Variants in OPLAH observed in about 807,000 individuals in gnomAD.
OPLAH encodes 5-oxoprolinase.
In OPLAH, 103 loss-of-function variants were observed where a neutral mutation model predicts 122.8. The observed-to-expected ratio is 0.84, with a 90% CI of 0.71 to 0.99. The LOEUF (loss-of-function observed/expected upper bound fraction) is 0.99, where lower values mean the gene tolerates loss of function less well. OPLAH is among the 50% of genes least tolerant of loss of function. The pLI, the probability that OPLAH is intolerant of heterozygous loss-of-function variation, is 0.00. For synonymous variants in OPLAH, 875 were observed against 796.0 expected (o/e 1.10, Z -1.67); for missense variants, 1,902 against 1,836.5 (o/e 1.04, Z -0.65).
In OPLAH at chr8:144,057,613, G is replaced by A. The variant is rs1554759660; in HGVS notation, c.1257C>T (p.Ser419=). ...CCAGGGCTTTGCGGGAGGCCTCAGG[G>A]GAAAGTGGTTGGTTCTCTCCCGGCC... ...IFGPGENQPL[S]PEASRKALEA... Residue 419 remains serine (S), a synonymous_variant, in exon 10 of 27, where the codon TCC becomes TCT. Coordinates refer to ENST00000618853, the MANE Select transcript of OPLAH (RefSeq NM_017570.5). The A allele has an allele frequency of 1.1e-5, 18 of 1,593,944 alleles. No individual in the cohort carries two copies. The highest frequency in any genetic ancestry group is 1.4e-5 in the Non-Finnish European group (16 of 1,169,548).
rs1835558566 is a variant in OPLAH at position 144,057,696 on chromosome 8, T to C, written c.1174A>G (p.Thr392Ala). Residue 392 changes from threonine to alanine, a missense_variant, in exon 10 of 27, where the codon ACG becomes GCG. By Grantham distance (58) the Thr-to-Ala change is moderately conservative (BLOSUM62 0). Transcript: ENST00000618853. Reference sequence around the variant, plus strand: ...CGACCCAGGACCAGATTAGCATCCGTCACTGTCACAGGGCCCCCTGGGAGG... The same window carrying C: ...CGACCCAGGACCAGATTAGCATCCGCCACTGTCACAGGGCCCCCTGGGAGG... ...CYRKGGPVTV[T>A]DANLVLGRLL... 6.2e-7 allele frequency: 1 copy of C among 1,608,790 alleles called. No homozygotes were observed. The highest frequency in any genetic ancestry group is 8.5e-7 in the Non-Finnish European group (1 of 1,177,698).
chr8:144,052,588 G>A lies in OPLAH; in HGVS notation c.3164C>T (p.Ala1055Val), dbSNP rs782548384. ...TCGGGGAATGACCACGCGCACTGGCGCCAGGCAGCCCTGTGCGGGGCGGGC... is the reference window on the plus strand; with the variant it reads ...TCGGGGAATGACCACGCGCACTGGCACCAGGCAGCCCTGTGCGGGGCGGGC... ...RDIPLNQGCLAPVRVVIPRGS... is the reference protein window; with the variant it reads ...RDIPLNQGCLVPVRVVIPRGS... Residue 1055 changes from alanine (A) to valine (V), a missense_variant, in exon 23 of 27, where the codon GCG becomes GTG. Ala to Val is a moderately conservative substitution (Grantham distance 64). This residue lies in a region of OPLAH where 1,726 missense variants were observed against 1,642.1 expected (regional missense o/e 1.05). Transcript: ENST00000618853. 7.5e-6 allele frequency: 12 copies of A among 1,595,640 alleles called. No homozygotes were observed. The Admixed American group carries it at 1.5e-4, about 20-fold the overall frequency.
Position 144,051,482 on chromosome 8 carries a change from C to CGGGGGGGG in OPLAH, c.3721-18_3721-11dup, listed in dbSNP as rs782568024. 1.1e-4 allele frequency: 31 copies of CGGGGGGGG among 280,020 alleles called. No homozygotes were observed. The African/African-American group carries it at 1.8e-3, about 16-fold the overall frequency. 17.3% of individuals were successfully genotyped at this position (280,020 alleles called of 1,614,324 possible). A position where few individuals can be genotyped will look rare whatever the true frequency, so the allele number is the denominator to read the frequency against. The stretch of plus-strand genomic sequence containing the variant: ...GGAGACAGAACACATCCTGTTGGCG[C>CGGGGGGGG]GGGGGGGGGCGGGGAGGCGGGCTCA... On this transcript the variant is annotated splice_polypyrimidine_tract_variant and intron_variant, in intron 26 of 26. Coordinates refer to ENST00000618853, the MANE Select transcript of OPLAH (RefSeq NM_017570.5).
At chr8:144,053,690 C>T (rs1304337430) in intron 19 of OPLAH, among the ~76,000 whole-genome samples, 3 of 152,078 alleles carry the variant, frequency 2.0e-5, no homozygotes, top group African/African-American at 7.2e-5. Context: ...GTGTCCTCAA[C>T]ACCCAGAACA....
At chr8:144,061,404 C>T (rs1013883890), upstream of OPLAH, among the ~76,000 whole-genome samples, 17 of 152,158 alleles carry the variant, frequency 1.1e-4, 1 homozygote, top group Admixed American at 6.5e-5. Context: ...GTAATCTCAG[C>T]TACCGGGAGG....
Position 144,059,686 on chromosome 8 carries a change from C to G in OPLAH, c.276G>C (p.Lys92Asn), listed in dbSNP as rs781872246. The change falls in exon 3 of 27, where the codon AAG becomes AAC. Residue 92 changes from lysine to asparagine, a missense_variant. Lys to Asn is a moderately conservative substitution (Grantham distance 94). Transcript: ENST00000618853. ...TVATNALLER[K>N]GERVALLVTR... is the part of the protein sequence containing the mutation. ...TCACCAGCAGCGCCACCCGCTCCCC[C>G]TTCCGCTCCAGCAGTGCGTTGGTGG... 1.2e-6 allele frequency: 2 copies of G among 1,612,428 alleles called. No individual in the cohort carries two copies. The highest frequency in any genetic ancestry group is 1.3e-5 in the African/African-American group (1 of 75,070).
In OPLAH at chr8:144,052,278, C is replaced by G. The variant is rs1426386645; in HGVS notation, c.3352G>C (p.Glu1118Gln). 1 of 1,535,472 alleles carries G rather than the reference C, an allele frequency of 6.5e-7. No individual in the cohort carries two copies. The highest frequency in any genetic ancestry group is 8.7e-7 in the Non-Finnish European group (1 of 1,145,766). Residue 1118 changes from glutamate to glutamine, a missense_variant, in exon 24 of 27, where the codon GAG becomes CAG. Physicochemically the swap from Glu to Gln is conservative, Grantham distance 29. This residue lies in a region of OPLAH where 1,726 missense variants were observed against 1,642.1 expected (regional missense o/e 1.05). Coordinates refer to ENST00000618853, the MANE Select transcript of OPLAH (RefSeq NM_017570.5). ...TLGNAHMGYYETVAGGAGAGP... is the reference protein window; with the variant it reads ...TLGNAHMGYYQTVAGGAGAGP... ...GCGCCCGCGCCGCCCGCCACCGTCTCGTAGTAGCCCATGTGGGCGTTGCCC... is the reference window on the plus strand; with the variant it reads ...GCGCCCGCGCCGCCCGCCACCGTCTGGTAGTAGCCCATGTGGGCGTTGCCC...
chr8:144,059,523 G>T, intron 3 of OPLAH, 76 bp downstream of exon 3: 1 of 1,441,814 alleles, frequency 6.9e-7, no homozygotes, highest in Non-Finnish European at 9.4e-7. Flanking sequence ...TCCAACAACT[G>T]CTCTCCCCAC....
In OPLAH at chr8:144,057,273, T is replaced by A. The variant is rs782038765; in HGVS notation, c.1470A>T (p.Gly490=). The A allele has an allele frequency of 3.1e-6, 5 of 1,612,164 alleles. No homozygotes were observed. Among genetic ancestry groups the A allele is most frequent in the Admixed American group, 1.7e-5 (1 of 59,978 alleles). The part of the protein sequence containing the change: ...PSAHVLACFG[G]AGGQHACAIA... ...TGGCACATGCATGCTGCCCACCAGC[T>A]CCCCCAAAGCAGGCCAGCACATGGG... Residue 490 remains glycine (G), a synonymous_variant, in exon 11 of 27, where the codon GGA becomes GGT. Transcript: ENST00000618853.
Position 144,058,415 on chromosome 8 carries a change from G to C in OPLAH, c.784-11C>G. 1 of 1,587,412 alleles carries C rather than the reference G, an allele frequency of 6.3e-7. No individual in the cohort carries two copies. Among genetic ancestry groups the C allele is most frequent in the Non-Finnish European group, 8.5e-7 (1 of 1,171,204 alleles). On this transcript the variant is annotated splice_polypyrimidine_tract_variant and intron_variant, in intron 6 of 26. Coordinates refer to ENST00000618853, the MANE Select transcript of OPLAH (RefSeq NM_017570.5). ...CAACACCTGCACATCCTGCGAGCGG[G>C]CAGCAGGCGGGCCATGAGGGGCAGG...
At position 144,051,491 on chromosome 8, in the gene OPLAH, GC is replaced by G. The variant is rs148937107; in HGVS notation, c.3721-20del. The stretch of plus-strand genomic sequence containing the variant: ...ACACATCCTGTTGGCGCGGGGGGGG[GC>G]GGGGAGGCGGGCTCAGTGCAGGCGT... On this transcript the variant is annotated intron_variant, in intron 26 of 26. Transcript: ENST00000618853. 7,635 of 1,381,142 alleles carry G rather than the reference GC, an allele frequency of 5.5e-3. 785 individuals carry two copies. The African/African-American group carries it at 0.14, about 26-fold the overall frequency. The allele number at this position is 1,381,142 out of a possible 1,614,324, so 85.6% of individuals were successfully genotyped here. A position where few individuals can be genotyped will look rare whatever the true frequency, so the allele number is the denominator to read the frequency against.
chr8:144,056,132 C>T lies in OPLAH; in HGVS notation c.2096+15G>A, dbSNP rs782377754. The T allele has an allele frequency of 1.9e-5, 31 of 1,597,900 alleles. No individual in the cohort carries two copies. The highest frequency in any genetic ancestry group is 3.3e-5 in the South Asian group (3 of 90,616). On this transcript the variant is annotated intron_variant, in intron 15 of 26. Transcript: ENST00000618853. ...ACCCGTCCACATCCTCCACCCTGGCCGGACTTCAGCCCACCTGTTACTGTC... is the reference window on the plus strand; with the variant it reads ...ACCCGTCCACATCCTCCACCCTGGCTGGACTTCAGCCCACCTGTTACTGTC...
At chr8:144,050,910 C>T, downstream of OPLAH, 1 of 1,008,960 alleles carries the variant, frequency 9.9e-7, no homozygotes, top group Non-Finnish European at 1.2e-6. Context: ...CGCGGAGGGG[C>T]CCTGGCCTTG....
At chr8:144,061,645 G>A (rs1357104804), upstream of OPLAH, among the ~76,000 whole-genome samples, 1 of 152,252 alleles carries the variant, frequency 6.6e-6, no homozygotes, top group East Asian at 1.9e-4. Context: ...CACAGCAACG[G>A]CACGAAGTTA....
chr8:144,063,775 C>T (rs910815292), upstream of OPLAH: 5 of 152,458 alleles, frequency 3.3e-5, no homozygotes, highest in African/African-American at 7.2e-5. This position sits in a 1 kb window ranked among gnomAD's most constrained non-coding sequence, Gnocchi z 4.2. Context: ...GCCAGGAACC[C>T]GGAGCTGCAG....
In OPLAH at chr8:144,058,268, C is replaced by T; in HGVS notation, c.920G>A (p.Gly307Asp). ...CATGTCAAAGCCGATGACAGGCTGGCCACCCTCCTGCTGGTAGGTGGTGGC... is the reference window on the plus strand; with the variant it reads ...CATGTCAAAGCCGATGACAGGCTGGTCACCCTCCTGCTGGTAGGTGGTGGC... Reference protein sequence around the residue: ...YSATTYQQEGGQPVIGFDMGG... With the variant: ...YSATTYQQEGDQPVIGFDMGG... The change falls in exon 7 of 27, where the codon GGC becomes GAC. Residue 307 changes from glycine (G) to aspartate (D), a missense_variant. By Grantham distance (94) the Gly-to-Asp change is moderately conservative. Around this residue, in one of 3 missense-constraint regions of OPLAH, gnomAD observed 1,726 missense variants for 1,642.1 expected, o/e 1.05. Transcript: ENST00000618853. The T allele has an allele frequency of 1.2e-6, 2 of 1,610,454 alleles. No individual in the cohort carries two copies. Among genetic ancestry groups the T allele is most frequent in the Non-Finnish European group, 1.7e-6 (2 of 1,178,940 alleles).
At position 144,060,666 on chromosome 8, in the gene OPLAH, C is replaced by T. The variant is rs1337542353; in HGVS notation, c.-67G>A. The T allele has an allele frequency of 6.6e-6, 1 of 152,054 alleles. No homozygotes were observed. Among genetic ancestry groups the T allele is most frequent in the Non-Finnish European group, 1.5e-5 (1 of 68,010 alleles). The allele number at this position is 152,054 out of a possible 1,614,324, so 9.4% of individuals were successfully genotyped here. ...CGCAGGCCCCACCTGGCGCTCGGCT[C>T]CGGCTCGGTCGCTCGCGGTCGGCTC... is the stretch of plus-strand genomic sequence containing the variant. On this transcript the variant is annotated 5_prime_UTR_variant, in exon 1 of 27. Coordinates refer to ENST00000618853, the MANE Select transcript of OPLAH (RefSeq NM_017570.5).
chr8:144,059,357 T>C (rs920591941), intron 3 of OPLAH, among the ~76,000 whole-genome samples: 1 of 152,096 alleles, frequency 6.6e-6, no homozygotes, highest in African/African-American at 2.4e-5. Context: ...CTGAACAGGG[T>C]AGCTTGGGTG....
intron 19 of OPLAH, 31 bp downstream of exon 19, chr8:144,054,530 A>G: frequency 6.5e-7 from 1 of 1,544,192 alleles, no homozygotes; most frequent in Non-Finnish European, 8.8e-7. Context: ...CCCAGCCTAC[A>G]GAAGGCCTGC....
Sources: allele counts gnomAD v4.1 joint callset (sites outside exome capture counted in the v4.1 genomes callset), GRCh38; gene constraint gnomAD v4.1.1; regional missense constraint gnomAD v4.1.1; non-coding constraint Gnocchi (gnomAD v3.1); transcripts MANE v1.5; gene names NCBI Gene and HGNC (gene_info 2026-07-23, HGNC 2026-07-21).